Variants in SERPINE2 observed in about 807,000 individuals in gnomAD.
The protein encoded by SERPINE2 is glia-derived nexin.
Under a neutral mutation model 36.3 loss-of-function variants are expected in SERPINE2, and 14 were observed. The observed-to-expected ratio is 0.39, with a 90% CI of 0.25 to 0.60. The LOEUF (loss-of-function observed/expected upper bound fraction) is 0.60, where lower values mean the gene tolerates loss of function less well. Ranked by LOEUF, SERPINE2 falls within the 20% of genes least tolerant of loss-of-function variation. The probability of loss-of-function intolerance (pLI) is 0.57; values close to 1 mark genes in which losing one functional copy is unlikely to be tolerated. For synonymous variants in SERPINE2, 192 were observed against 191.8 expected, an observed-to-expected ratio of 1.00 and a Z score of -0.01; for missense variants, 418 against 499.6, an observed-to-expected ratio of 0.84 and a Z score of 1.56.
intron 1 of SERPINE2, among the ~76,000 whole-genome samples, chr2:224,033,783 C>T (rs1272746525): frequency 1.3e-5 from 2 of 152,092 alleles, no homozygotes; most frequent in South Asian, 4.1e-4. Context: ...GCCCAGCCAA[C>T]AGACCTCAAG....
intron 3 of SERPINE2, among the ~76,000 whole-genome samples, chr2:223,993,518 T>TA (rs1690755853): frequency 7.0e-6 from 1 of 143,130 alleles, no homozygotes; most frequent in Non-Finnish European, 1.5e-5. Flanking sequence ...ACTGCATTAT[T>TA]AGCTCAAATA....
chr2:223,989,293 T>G (rs1690558018), intron 4 of SERPINE2, among the ~76,000 whole-genome samples: 1 of 152,214 alleles, frequency 6.6e-6, no homozygotes. Context: ...AATGATATCT[T>G]GGGGAAAACA....
chr2:224,012,387 T>C (rs528281111), intron 1 of SERPINE2, among the ~76,000 whole-genome samples: 1 of 152,288 alleles, frequency 6.6e-6, no homozygotes, highest in South Asian at 2.1e-4. Context: ...TAATACATTC[T>C]GGATATATCT....
intron 1 of SERPINE2, among the ~76,000 whole-genome samples, chr2:224,022,204 C>T (rs1424060043): frequency 1.3e-5 from 2 of 148,654 alleles, no homozygotes; most frequent in South Asian, 2.1e-4. Context: ...TGGCGGCTCA[C>T]GTCTGTAGTA....
In SERPINE2 at chr2:223,992,014, G is replaced by GT; in HGVS notation, c.488-15_488-14insA. On this transcript the variant is annotated splice_polypyrimidine_tract_variant and intron_variant, in intron 3 of 8. Coordinates refer to ENST00000409304, the MANE Select transcript of SERPINE2 (RefSeq NM_001136528.2). ...TGTCAATCATATCTGTGAAGCCAAA[G>GT]AACAAACAAGGGAAAAATAACCTCA... 4.3e-6 allele frequency: 7 copies of GT among 1,612,442 alleles called. No individual in the cohort carries two copies. Among genetic ancestry groups the GT allele is most frequent in the Non-Finnish European group, 5.9e-6 (7 of 1,179,124 alleles).
intron 2 of SERPINE2, among the ~76,000 whole-genome samples, chr2:224,001,397 G>A (rs1401120689): frequency 6.6e-6 from 1 of 152,192 alleles, no homozygotes; most frequent in East Asian, 1.9e-4. Flanking sequence ...CCTGGGAAAG[G>A]AGACCTAGTG....
At chr2:224,018,001 GTTA>G (rs1691858467) in intron 1 of SERPINE2, among the ~76,000 whole-genome samples, 3 of 152,094 alleles carry the variant, frequency 2.0e-5, no homozygotes, top group Non-Finnish European at 1.5e-5. Flanking sequence ...TTATTTCTTT[GTTA>G]TTAGAGGGAG....
chr2:223,984,818 CTGA>C lies in SERPINE2; in HGVS notation c.815_817del (p.Ile272del), dbSNP rs772502638. 3.1e-6 allele frequency: 5 copies of C among 1,613,830 alleles called. No individual in the cohort carries two copies. In the East Asian group the frequency reaches 8.9e-5, roughly 29 times the overall value. ...CATCCAGCTGTCTATGGTCTTGGTGCTGATGTGTGGGATGATGGCAGACAGCGG... is the reference window on the plus strand; with the variant it reads ...CATCCAGCTGTCTATGGTCTTGGTGCTGTGTGGGATGATGGCAGACAGCGG... On this transcript the variant is annotated inframe_deletion, in exon 5 of 9. Coordinates refer to ENST00000409304, the MANE Select transcript of SERPINE2 (RefSeq NM_001136528.2).
intron 2 of SERPINE2, among the ~76,000 whole-genome samples, chr2:224,000,739 A>G (rs1052977889): frequency 2.0e-5 from 3 of 151,154 alleles, no homozygotes; most frequent in African/African-American, 7.3e-5. Context: ...CCCTGTGTCC[A>G]TGTGTTCTCA....
rs770252146 is a variant in SERPINE2 at position 223,977,566 on chromosome 2, A to C, written c.1134T>G (p.Phe378Leu). Residue 378 changes from phenylalanine (F) to leucine (L), a missense_variant, in exon 8 of 9, where the codon TTT (phenylalanine) becomes TTG (leucine). Physicochemically the swap from Phe to Leu is conservative, Grantham distance 22. Transcript: ENST00000409304. ...PWFIVDRPFL[F>L]FIRHNPTGAV... is the part of the protein sequence containing the mutation. ...TACCTGTAGGATTATGTCGGATGAA[A>C]AACAGAAAAGGTCTGTCTACTATAA... 6 of 1,612,260 alleles carry C rather than the reference A, an allele frequency of 3.7e-6. No homozygotes were observed. Among genetic ancestry groups the C allele is most frequent in the Admixed American group, 1.7e-5 (1 of 60,026 alleles).
At chr2:223,989,758 G>A (rs1690579993) in intron 4 of SERPINE2, among the ~76,000 whole-genome samples, 1 of 152,214 alleles carries the variant, frequency 6.6e-6, no homozygotes, top group Non-Finnish European at 1.5e-5. Flanking sequence ...GTGTTTACTT[G>A]TGAGGGAATG....
At chr2:223,991,496 T>C (rs1385364202) in intron 4 of SERPINE2, among the ~76,000 whole-genome samples, 1 of 152,240 alleles carries the variant, frequency 6.6e-6, no homozygotes, top group Non-Finnish European at 1.5e-5. Context: ...TCACTTATAC[T>C]CATTTCATGA....
intron 1 of SERPINE2, among the ~76,000 whole-genome samples, chr2:224,024,097 T>C (rs1692103659): frequency 6.6e-6 from 1 of 152,194 alleles, no homozygotes; most frequent in Non-Finnish European, 1.5e-5. Flanking sequence ...TATGTATCTG[T>C]AGGCACAAGG....
chr2:224,001,001 G>A (rs1389749161), intron 2 of SERPINE2, among the ~76,000 whole-genome samples: 1 of 152,124 alleles, frequency 6.6e-6, no homozygotes, highest in Non-Finnish European at 1.5e-5. Context: ...AGATTTACAG[G>A]AAGTGGCAAA....
chr2:224,003,686 T>C (rs2106167625), intron 1 of SERPINE2, among the ~76,000 whole-genome samples: 1 of 152,306 alleles, frequency 6.6e-6, no homozygotes, highest in East Asian at 1.9e-4. Flanking sequence ...GAAAAGCAAA[T>C]ACTTTCATTA....
intron 6 of SERPINE2, 142 bp downstream of exon 6, chr2:223,982,539 A>C: frequency 2.1e-6 from 1 of 486,590 alleles, no homozygotes; most frequent in Non-Finnish European, 3.6e-6. Flanking sequence ...GGCCAATAGC[A>C]TAATTTGGCA....
chr2:224,001,144 G>C (rs1227535557), intron 2 of SERPINE2, among the ~76,000 whole-genome samples: 1 of 152,148 alleles, frequency 6.6e-6, no homozygotes, highest in African/African-American at 2.4e-5. Flanking sequence ...CACTCCTGTT[G>C]TGGGCTTGGG....
chr2:223,998,448 T>G (rs1421988557), intron 2 of SERPINE2, 106 bp from the exon 3 acceptor site: 2 of 782,306 alleles, frequency 2.6e-6, no homozygotes, highest in African/African-American at 1.7e-5. Context: ...CCAGGTGCAG[T>G]GGCTCACACC....
At chr2:224,037,170 T>C (rs984362014) in intron 1 of SERPINE2, among the ~76,000 whole-genome samples, 13 of 152,198 alleles carry the variant, frequency 8.5e-5, no homozygotes, top group African/African-American at 3.1e-4. Context: ...ACACAGTAGA[T>C]GCTTAAGAAG....
Sources: gnomAD v4.1 joint callset for allele counts (sites outside exome capture counted in the v4.1 genomes callset) on GRCh38, gnomAD v4.1.1 for gene constraint, MANE v1.5 for transcripts, NCBI Gene and HGNC (gene_info 2026-07-23, HGNC 2026-07-21) for gene names.